The following LRIG1 variants were observed in gnomAD, a reference collection of about 807,000 sequenced individuals.
LRIG1 encodes leucine rich repeats and immunoglobulin like domains 1.
A neutral mutation model predicts 99.2 loss-of-function variants in LRIG1; 48 were observed. The observed-to-expected ratio is 0.48, with a 90% confidence interval of 0.38 to 0.62. The LOEUF (loss-of-function observed/expected upper bound fraction) is 0.62, where lower values mean the gene tolerates loss of function less well. Among genes scored for constraint, LRIG1 ranks in the 20% least tolerant of loss-of-function variants. The pLI is 0.00. For synonymous variants in LRIG1, 772 were observed against 596.1 expected (o/e 1.29, Z -4.30); for missense variants, 1,646 against 1,434.4 (o/e 1.15, Z -2.38).
At position 66,406,024 on chromosome 3, in the gene LRIG1, C is replaced by T. The variant is rs1702255942; in HGVS notation, c.1080-746G>A. On this transcript the variant is annotated intron_variant, in intron 8 of 18. Transcript: ENST00000273261. Reference sequence around the variant, plus strand: ...CCCCCATCCTGCCCTCTCCAACTTTCCACAAGGTTCTTGGTTCTTAAATTT... The same window carrying T: ...CCCCCATCCTGCCCTCTCCAACTTTTCACAAGGTTCTTGGTTCTTAAATTT... 7 of 988,618 alleles carry T rather than the reference C, an allele frequency of 7.1e-6. No homozygotes were observed. In the South Asian group the frequency reaches 2.8e-4, roughly 39 times the overall value. 61.2% of individuals were successfully genotyped at this position (988,618 alleles called of 1,614,324 possible). A position where few individuals can be genotyped will look rare whatever the true frequency, so the allele number is the denominator to read the frequency against.
At chr3:66,408,277 T>C (rs35778462) in intron 7 of LRIG1, among the ~76,000 whole-genome samples, 71,885 of 152,056 alleles carry the variant, frequency 0.47, 19,316 homozygotes, top group Middle Eastern at 0.64. Context: ...CAGCATTCTT[T>C]CCCTCCTGGA....
intron 7 of LRIG1, among the ~76,000 whole-genome samples, chr3:66,408,094 A>G (rs1702339730): frequency 6.6e-6 from 1 of 152,214 alleles, no homozygotes; most frequent in Non-Finnish European, 1.5e-5. Context: ...CGGTAAAAGC[A>G]CATGCTTTGC....
At chr3:66,420,713 CTTA>C (rs1485034566) in intron 3 of LRIG1, among the ~76,000 whole-genome samples, 12 of 152,198 alleles carry the variant, frequency 7.9e-5, no homozygotes, top group Non-Finnish European at 1.6e-4. Flanking sequence ...GTATGGTCCA[CTTA>C]TGTGAGGTAG....
intron 3 of LRIG1, 88 bp downstream of exon 3, chr3:66,451,471 C>G (rs1703901848): frequency 9.0e-7 from 1 of 1,115,656 alleles, no homozygotes. Context: ...CACATGAACT[C>G]AAGTTATCCT....
chr3:66,424,650 G>A (rs963157964), intron 3 of LRIG1, among the ~76,000 whole-genome samples: 9 of 152,088 alleles, frequency 5.9e-5, no homozygotes, highest in Non-Finnish European at 1.2e-4. Flanking sequence ...AGTAGATCCT[G>A]GGCAAAGCAT....
At chr3:66,438,337 G>A (rs1272702443) in intron 3 of LRIG1, among the ~76,000 whole-genome samples, 2 of 152,172 alleles carry the variant, frequency 1.3e-5, no homozygotes, top group Non-Finnish European at 2.9e-5. Flanking sequence ...ACCCACAACA[G>A]CAGTTCTCAA....
chr3:66,382,540 C>A, intron 15 of LRIG1, 142 bp from the exon 16 acceptor site: 2 of 936,674 alleles, frequency 2.1e-6, no homozygotes, highest in Non-Finnish European at 3.4e-6. Flanking sequence ...AGTCCATGTA[C>A]GCAACAGGCC....
At chr3:66,432,246 C>T (rs547201442) in intron 3 of LRIG1, among the ~76,000 whole-genome samples, 1 of 152,330 alleles carries the variant, frequency 6.6e-6, no homozygotes, top group Admixed American at 6.5e-5. Flanking sequence ...CAAAAGCCTG[C>T]TCCAGGTGGT....
intron 12 of LRIG1, chr3:66,388,148 A>T (rs2107947858): frequency 6.6e-6 from 1 of 151,220 alleles, no homozygotes; most frequent in South Asian, 2.1e-4. Flanking sequence ...AAGTATGAGA[A>T]AATTTTATAG....
intron 3 of LRIG1, among the ~76,000 whole-genome samples, chr3:66,439,170 GC>G (rs1404030126): frequency 1.3e-5 from 2 of 152,206 alleles, no homozygotes. Flanking sequence ...GGGAAGGGGA[GC>G]CCCTGGAAGA....
chr3:66,470,301 GC>G (rs1317050784), intron 1 of LRIG1, among the ~76,000 whole-genome samples: 1 of 152,166 alleles, frequency 6.6e-6, no homozygotes, highest in Non-Finnish European at 1.5e-5. Flanking sequence ...ATGAATGAAG[GC>G]CAGATGGCGT....
At chr3:66,453,589 G>A (rs967941229) in intron 2 of LRIG1, among the ~76,000 whole-genome samples, 1 of 152,136 alleles carries the variant, frequency 6.6e-6, no homozygotes, top group African/African-American at 2.4e-5. Context: ...TTTGAATCAG[G>A]TACCAGGTTA....
At chr3:66,382,957 G>C in intron 15 of LRIG1, 25 bp downstream of exon 15, 2 of 1,571,390 alleles carry the variant, frequency 1.3e-6, no homozygotes, top group Non-Finnish European at 1.7e-6. Flanking sequence ...CTCCTTGAAA[G>C]TCAGCTCCGC....
At chr3:66,416,337 C>T (rs544274305) in intron 4 of LRIG1, among the ~76,000 whole-genome samples, 26 of 152,250 alleles carry the variant, frequency 1.7e-4, no homozygotes, top group African/African-American at 6.3e-4. Context: ...CCAAACCTCA[C>T]CCTCCCTGAA....
intron 3 of LRIG1, among the ~76,000 whole-genome samples, chr3:66,429,999 T>C (rs541558902): frequency 2.6e-5 from 4 of 152,354 alleles, no homozygotes; most frequent in Admixed American, 2.0e-4. Context: ...CTAGGAATTT[T>C]TAGTCTATCG....
chr3:66,493,832 A>C (rs1439346196), intron 1 of LRIG1, among the ~76,000 whole-genome samples: 1 of 151,452 alleles, frequency 6.6e-6, no homozygotes, highest in Non-Finnish European at 1.5e-5. Flanking sequence ...AAGAAAGAAA[A>C]AAAAGAGAGA....
Position 66,407,333 on chromosome 3 carries a change from T to A in LRIG1, c.1079+15A>T, listed in dbSNP as rs113098278. 1 of 1,613,798 alleles carries A rather than the reference T, an allele frequency of 6.2e-7. No individual in the cohort carries two copies. Among genetic ancestry groups the A allele is most frequent in the Non-Finnish European group, 8.5e-7 (1 of 1,179,940 alleles). On this transcript the variant is annotated intron_variant, in intron 8 of 18. Coordinates refer to ENST00000273261, the MANE Select transcript of LRIG1 (RefSeq NM_015541.3). ...ACTGGGGACCCCTTTATCCTGTCAG[T>A]AGTGGGAGACGTACAAGACTCGCAG...
intron 3 of LRIG1, among the ~76,000 whole-genome samples, chr3:66,424,630 T>C (rs1702921097): frequency 6.6e-6 from 1 of 152,198 alleles, no homozygotes; most frequent in African/African-American, 2.4e-5. Context: ...TGAACACCTA[T>C]TATATACACA....
chr3:66,406,071 A>G (rs1351964650), intron 8 of LRIG1: 1 of 986,260 alleles, frequency 1.0e-6, no homozygotes, highest in Non-Finnish European at 1.2e-6. Flanking sequence ...CCTTGCAGAC[A>G]CAGGCCAGGG....
Sources: allele counts gnomAD v4.1 joint callset (sites outside exome capture counted in the v4.1 genomes callset), GRCh38; gene constraint gnomAD v4.1.1; transcripts MANE v1.5; gene names NCBI Gene and HGNC (gene_info 2026-07-23, HGNC 2026-07-21).